Variants in RAP1GDS1 observed in about 807,000 individuals in gnomAD.
RAP1GDS1 encodes the protein RAP1, GTP-GDP dissociation stimulator 1.
A neutral mutation model predicts 71.1 loss-of-function variants in RAP1GDS1; 35 were observed. The observed-to-expected ratio is 0.49, with a 90% CI of 0.38 to 0.65. RAP1GDS1 has a LOEUF of 0.65. Ranked by LOEUF, RAP1GDS1 falls within the 30% of genes least tolerant of loss-of-function variation. The probability of loss-of-function intolerance (pLI) is 0.00; values close to 1 mark genes in which losing one functional copy is unlikely to be tolerated. For synonymous variants in RAP1GDS1, 229 were observed against 243.1 expected, an observed-to-expected ratio of 0.94 and a Z score of 0.54; for missense variants, 663 against 706.1, an observed-to-expected ratio of 0.94 and a Z score of 0.69.
Position 98,357,135 on chromosome 4 carries a change from A to G in RAP1GDS1, c.361+4534A>G, listed in dbSNP as rs75188754. Among the ~76,000 whole-genome samples, 22 of 152,068 alleles carry G rather than the reference A, an allele frequency of 1.4e-4. 1 individual carries two copies. The highest frequency in any genetic ancestry group is 2.4e-4 in the Non-Finnish European group (16 of 67,810). ...CCAAAGTAATCAAAATATATTTGCA[A>G]CAGTTATATTCAAAAGGGAACTATT... On this transcript the variant is annotated intron_variant, in intron 4 of 14. Coordinates refer to ENST00000408927, the MANE Select transcript of RAP1GDS1 (RefSeq NM_001100427.2).
chr4:98,313,211 T>C (rs760625316), intron 2 of RAP1GDS1, among the ~76,000 whole-genome samples: 2 of 152,068 alleles, frequency 1.3e-5, no homozygotes, highest in African/African-American at 2.4e-5. Flanking sequence ...GACTGTCTGT[T>C]AGCAGAATTT....
intron 13 of RAP1GDS1, among the ~76,000 whole-genome samples, chr4:98,434,723 C>A (rs1454384177): frequency 4.0e-5 from 6 of 151,282 alleles, no homozygotes; most frequent in Admixed American, 6.6e-5. Context: ...TGGGTTCAAG[C>A]AATTCTCGTG....
rs200523488 is a variant in RAP1GDS1, at chr4:98,442,197, CTACCA to C, written c.*86_*90del. Reference sequence around the variant, plus strand: ...CCAGCGGCTTCTTCCGCTTCATTCTCTACCATACCACTTGTGCATGCATGTGATGT... The same window carrying C: ...CCAGCGGCTTCTTCCGCTTCATTCTCTACCACTTGTGCATGCATGTGATGT... On this transcript the variant is annotated 3_prime_UTR_variant, in exon 15 of 15. Transcript: ENST00000408927. 0.019 allele frequency: 29,304 copies of C among 1,552,752 alleles called. 351 individuals are homozygous for C. Among genetic ancestry groups the C allele is most frequent in the South Asian group, 0.025 (2,158 of 84,882 alleles).
chr4:98,435,688 T>C (rs899759082), intron 13 of RAP1GDS1, among the ~76,000 whole-genome samples: 7 of 152,296 alleles, frequency 4.6e-5, no homozygotes, highest in African/African-American at 1.7e-4. Context: ...TTTTTGTCTT[T>C]TAACCATTTT....
chr4:98,375,500 G>C (rs1329327974), intron 4 of RAP1GDS1, among the ~76,000 whole-genome samples: 1 of 152,120 alleles, frequency 6.6e-6, no homozygotes, highest in Non-Finnish European at 1.5e-5. Context: ...ACTCATATCA[G>C]TAACATTATC....
At position 98,421,230 on chromosome 4, in the gene RAP1GDS1, C is replaced by G. The variant is rs1302364238; in HGVS notation, c.1301-25C>G. On this transcript the variant is annotated intron_variant, in intron 11 of 14. Coordinates refer to ENST00000408927, the MANE Select transcript of RAP1GDS1 (RefSeq NM_001100427.2). ...ACTGATTGTCTGTTAGTGATTCATT[C>G]CTTGGTTTGCCTTCTTTCCTATAGC... 25 of 1,581,266 alleles carry G rather than the reference C, an allele frequency of 1.6e-5. No individual in the cohort carries two copies. In the South Asian group the frequency reaches 2.8e-4, roughly 18 times the overall value.
chr4:98,318,617 CCTT>C (rs1731298459), intron 2 of RAP1GDS1, among the ~76,000 whole-genome samples: 1 of 152,096 alleles, frequency 6.6e-6, no homozygotes, highest in Non-Finnish European at 1.5e-5. Flanking sequence ...CTGCTATTGA[CCTT>C]CTGGGGATAT....
At chr4:98,333,130 A>ATC (rs1734229095) in intron 2 of RAP1GDS1, among the ~76,000 whole-genome samples, 1 of 152,054 alleles carries the variant, frequency 6.6e-6, no homozygotes, top group Non-Finnish European at 1.5e-5. Context: ...TTTTTTTAAT[A>ATC]TCTCTCTTTC....
In RAP1GDS1 at chr4:98,294,327, G is replaced by A. The variant is rs140391832; in HGVS notation, c.112+812G>A. 2.0e-3 allele frequency among the ~76,000 whole-genome samples: 305 copies of A among 152,040 alleles called. 4 individuals carry two copies. In the East Asian group the frequency reaches 0.027, roughly 14 times the overall value. Reference sequence around the variant, plus strand: ...CGTATATATTGTTAAGGTTTTAATTGTAAGGTTTCAACACTTATTGATATA... The same window carrying A: ...CGTATATATTGTTAAGGTTTTAATTATAAGGTTTCAACACTTATTGATATA... On this transcript the variant is annotated intron_variant, in intron 2 of 14. Coordinates refer to ENST00000408927, the MANE Select transcript of RAP1GDS1 (RefSeq NM_001100427.2).
At chr4:98,351,153 G>A (rs1468979131) in intron 3 of RAP1GDS1, among the ~76,000 whole-genome samples, 3 of 152,170 alleles carry the variant, frequency 2.0e-5, no homozygotes, top group East Asian at 3.8e-4. Flanking sequence ...CTTAACATGA[G>A]TAGTAGGATA....
intron 4 of RAP1GDS1, among the ~76,000 whole-genome samples, chr4:98,358,614 G>T (rs1738280680): frequency 6.6e-6 from 1 of 151,788 alleles, no homozygotes; most frequent in Non-Finnish European, 1.5e-5. Flanking sequence ...TCTGATTTTT[G>T]AGCCCATTAT....
intron 2 of RAP1GDS1, among the ~76,000 whole-genome samples, chr4:98,340,371 G>A (rs1176793212): frequency 6.6e-6 from 1 of 152,128 alleles, no homozygotes; most frequent in Non-Finnish European, 1.5e-5. Context: ...CAGCAACATG[G>A]ATGAAGCTGT....
At chr4:98,386,115 GTTTTC>G (rs748508739) in intron 5 of RAP1GDS1, among the ~76,000 whole-genome samples, 5 of 151,320 alleles carry the variant, frequency 3.3e-5, no homozygotes, top group Non-Finnish European at 5.9e-5. Flanking sequence ...AAAGCGTAGA[GTTTTC>G]TTTAATCAGA....
At chr4:98,290,227 A>G (rs1726728450) in intron 1 of RAP1GDS1, among the ~76,000 whole-genome samples, 1 of 152,134 alleles carries the variant, frequency 6.6e-6, no homozygotes, top group African/African-American at 2.4e-5. Flanking sequence ...TAACCTTGAA[A>G]ATAAAGCTAC....
chr4:98,432,486 G>A (rs960069925), intron 12 of RAP1GDS1, among the ~76,000 whole-genome samples: 3 of 152,156 alleles, frequency 2.0e-5, no homozygotes, highest in Non-Finnish European at 2.9e-5. Context: ...TTCTAAAACA[G>A]ATTGATGGGG....
chr4:98,373,096 TTTG>T (rs1229607917), intron 4 of RAP1GDS1, among the ~76,000 whole-genome samples: 2 of 152,236 alleles, frequency 1.3e-5, no homozygotes, highest in African/African-American at 4.8e-5. Context: ...GATCCAAATT[TTTG>T]TCTAGTATAC....
rs575956586 is a variant in RAP1GDS1, at chr4:98,263,756, A to G, written c.4+2187A>G. 5.9e-5 allele frequency among the ~76,000 whole-genome samples: 9 copies of G among 152,334 alleles called. No individual in the cohort carries two copies. The East Asian group carries it at 1.7e-3, about 29-fold the overall frequency. On this transcript the variant is annotated intron_variant, in intron 1 of 14. Coordinates refer to ENST00000408927, the MANE Select transcript of RAP1GDS1 (RefSeq NM_001100427.2). ...TATTATTTTCAACTTTTGAACCTGA[A>G]GATATAGTCTTCATCTGAACAAACA...
At chr4:98,301,995 TG>T (rs1227084762) in intron 2 of RAP1GDS1, among the ~76,000 whole-genome samples, 1 of 152,170 alleles carries the variant, frequency 6.6e-6, no homozygotes, top group East Asian at 1.9e-4. Context: ...TATCCCAAAT[TG>T]TTGCCCTTAC....
chr4:98,265,676 G>A (rs1722626505), intron 1 of RAP1GDS1, among the ~76,000 whole-genome samples: 1 of 152,210 alleles, frequency 6.6e-6, no homozygotes, highest in East Asian at 1.9e-4. Context: ...TGAGGAATGG[G>A]GTTCCTTAAG....
Sources: gnomAD v4.1 joint callset for allele counts (sites outside exome capture counted in the v4.1 genomes callset) on GRCh38, gnomAD v4.1.1 for gene constraint, MANE v1.5 for transcripts, NCBI Gene and HGNC (gene_info 2026-07-23, HGNC 2026-07-21) for gene names.